The following NCKAP5 variants were observed in gnomAD, a reference collection of about 807,000 sequenced individuals.
NCKAP5 encodes nck-associated protein 5.
NCKAP5 carries 92 observed loss-of-function variants against 167.0 expected under a neutral mutation model. That is an observed-to-expected ratio of 0.55 (90% CI 0.47 to 0.66). The LOEUF (loss-of-function observed/expected upper bound fraction) is 0.66. NCKAP5 is among the 30% of genes least tolerant of loss of function. NCKAP5 has a pLI of 0.00. For synonymous variants in NCKAP5, 891 were observed against 877.4 expected (o/e 1.02, Z -0.27); for missense variants, 2,378 against 2,315.0 (o/e 1.03, Z -0.56).
intron 3 of NCKAP5, among the ~76,000 whole-genome samples, chr2:133,341,161 A>T (rs530690621): frequency 2.0e-5 from 3 of 147,960 alleles, no homozygotes; most frequent in Admixed American, 2.0e-4. Context: ...TACCCCATGG[A>T]AAAAAAAACA....
At chr2:132,921,294 T>G (rs1310477819) in intron 8 of NCKAP5, among the ~76,000 whole-genome samples, 3 of 152,128 alleles carry the variant, frequency 2.0e-5, no homozygotes, top group Non-Finnish European at 4.4e-5. Context: ...GGAGACCTCC[T>G]TCTCACCCAA....
At chr2:132,943,675 G>A (rs547881683) in intron 8 of NCKAP5, among the ~76,000 whole-genome samples, 1 of 152,204 alleles carries the variant, frequency 6.6e-6, no homozygotes, top group Non-Finnish European at 1.5e-5. Context: ...AGCAGACTCA[G>A]AGCAGGGTGG....
chr2:132,684,551 G>C (rs753781098), intron 19 of NCKAP5, among the ~76,000 whole-genome samples: 7 of 152,118 alleles, frequency 4.6e-5, no homozygotes, highest in Non-Finnish European at 8.8e-5. Context: ...CTTGCACTTA[G>C]GCTAAACAAA....
intron 15 of NCKAP5, among the ~76,000 whole-genome samples, chr2:132,777,643 G>A (rs6713570): frequency 0.47 from 71,549 of 151,930 alleles, 17,231 homozygotes; most frequent in East Asian, 0.66. Flanking sequence ...AACTTTGCAG[G>A]CGGAGGGCAA....
chr2:133,114,741 C>T (rs766141342), intron 6 of NCKAP5, among the ~76,000 whole-genome samples: 26 of 151,762 alleles, frequency 1.7e-4, no homozygotes, highest in African/African-American at 5.6e-4. Context: ...GTAGAATTTC[C>T]CATAGTTTGG....
intron 8 of NCKAP5, among the ~76,000 whole-genome samples, chr2:132,920,857 GCTC>G (rs1695372471): frequency 7.9e-6 from 1 of 126,950 alleles, no homozygotes; most frequent in Admixed American, 8.3e-5. Context: ...GGGTCCTTCT[GCTC>G]CTCATTAGCT....
chr2:133,658,245 T>C, the NCKAP5 span, among the ~76,000 whole-genome samples: 3 of 152,098 alleles, frequency 2.0e-5, no homozygotes, highest in African/African-American at 7.2e-5. Flanking sequence ...GCAGGGTTGA[T>C]TGTGGTCTCT....
chr2:133,172,814 A>AT (rs1457187982), intron 5 of NCKAP5, among the ~76,000 whole-genome samples: 1 of 151,936 alleles, frequency 6.6e-6, no homozygotes, highest in Non-Finnish European at 1.5e-5. Context: ...CGCCCAGCTA[A>AT]TTTTTTGTAT....
intron 16 of NCKAP5, among the ~76,000 whole-genome samples, chr2:132,766,193 T>C (rs1574127911): frequency 3.4e-5 from 5 of 147,018 alleles, no homozygotes; most frequent in African/African-American, 1.3e-4. Context: ...GGCAGGAGAA[T>C]TGCTTGAACC....
intron 8 of NCKAP5, among the ~76,000 whole-genome samples, chr2:132,913,682 C>T (rs1376702973): frequency 6.6e-6 from 1 of 152,068 alleles, no homozygotes; most frequent in Non-Finnish European, 1.5e-5. Context: ...TGCTTCCCAC[C>T]AAAATGCCTC....
At chr2:132,832,573 C>G (rs1687599568) in intron 11 of NCKAP5, among the ~76,000 whole-genome samples, 1 of 152,114 alleles carries the variant, frequency 6.6e-6, no homozygotes. Context: ...TCTCTACAAC[C>G]ATGTGTACAT....
rs147781908 is a variant in NCKAP5 at position 132,808,563 on chromosome 2, A to T, written c.808-11834T>A. ...TTATGTGCGTAAATGTGTTTACAGC[A>T]GCCTTAATTGATCTTTTGTATTTCA... On this transcript the variant is annotated intron_variant, in intron 11 of 19. Coordinates refer to ENST00000409261, the MANE Select transcript of NCKAP5 (RefSeq NM_207363.3). 1.4e-3 allele frequency among the ~76,000 whole-genome samples: 215 copies of T among 152,236 alleles called. 1 individual carries two copies. The highest frequency in any genetic ancestry group is 4.9e-3 in the African/African-American group (204 of 41,572).
rs979406874 is a variant in NCKAP5, at chr2:133,273,519, A to G, written c.143+29518T>C. On this transcript the variant is annotated intron_variant, in intron 4 of 19. Transcript: ENST00000409261. ...TTTTTTAGAAGGGGGAGGAGGAGAA[A>G]AAAGGAAGAATAGGAGGAGGAAAGG... Among the ~76,000 whole-genome samples, 6 of 152,068 alleles carry G rather than the reference A, an allele frequency of 3.9e-5. No homozygotes were observed. The South Asian group carries it at 6.2e-4, about 16-fold the overall frequency.
chr2:132,713,861 A>G (rs1689103741), intron 19 of NCKAP5, among the ~76,000 whole-genome samples: 1 of 152,200 alleles, frequency 6.6e-6, no homozygotes, highest in Non-Finnish European at 1.5e-5. Context: ...CTGCCTGCAC[A>G]AGATCCAGAG....
At chr2:133,434,711 C>T (rs559827092) in intron 3 of NCKAP5, among the ~76,000 whole-genome samples, 54 of 152,146 alleles carry the variant, frequency 3.5e-4, no homozygotes, top group Non-Finnish European at 7.3e-4. Flanking sequence ...GCCCAGTACC[C>T]AACATCATTC....
At chr2:133,171,360 GTTTGTTGT>G (rs1381134388) in intron 5 of NCKAP5, among the ~76,000 whole-genome samples, 1 of 151,940 alleles carries the variant, frequency 6.6e-6, no homozygotes, top group Admixed American at 6.6e-5. Flanking sequence ...TGTTTTTTTT[GTTTGTTGT>G]TTTGTTGTTT....
intron 6 of NCKAP5, among the ~76,000 whole-genome samples, chr2:133,004,390 G>A (rs991345827): frequency 2.0e-5 from 3 of 152,058 alleles, no homozygotes; most frequent in East Asian, 1.9e-4. Flanking sequence ...AGTGTTGGCC[G>A]CTCTGAGAAA....
chr2:132,731,048 A>G (rs1043595259), intron 17 of NCKAP5, among the ~76,000 whole-genome samples: 2 of 152,250 alleles, frequency 1.3e-5, no homozygotes, highest in East Asian at 1.9e-4. Flanking sequence ...TTTAGTTCCT[A>G]TATTTATGCA....
chr2:132,889,610 T>C (rs952565407), intron 8 of NCKAP5, among the ~76,000 whole-genome samples: 9 of 152,042 alleles, frequency 5.9e-5, no homozygotes, highest in Non-Finnish European at 1.5e-5. Context: ...ATCAGTCTAC[T>C]CAACAGGCAA....
Sources: allele counts gnomAD v4.1 joint callset (sites outside exome capture counted in the v4.1 genomes callset), GRCh38; gene constraint gnomAD v4.1.1; transcripts MANE v1.5; gene names NCBI Gene and HGNC (gene_info 2026-07-23, HGNC 2026-07-21).